Variants in ATP6V1D observed in about 807,000 individuals in gnomAD.
The protein encoded by ATP6V1D is V-type proton ATPase subunit D.
In ATP6V1D, 20 loss-of-function variants were observed where a neutral mutation model predicts 39.4. The observed-to-expected ratio is 0.51, with a 90% CI of 0.36 to 0.74. The LOEUF is 0.74. ATP6V1D is among the 30% of genes least tolerant of loss of function. The probability of loss-of-function intolerance (pLI) is 0.00; values close to 1 mark genes in which losing one functional copy is unlikely to be tolerated. For missense variants in ATP6V1D, 228 were observed against 291.6 expected (o/e 0.78, Z 1.59); for synonymous variants, 100 against 100.5 (o/e 0.99, Z 0.03).
At chr14:67,345,008 G>A (rs1365595532) in intron 6 of ATP6V1D, among the ~76,000 whole-genome samples, 2 of 152,144 alleles carry the variant, frequency 1.3e-5, no homozygotes, top group African/African-American at 4.8e-5. Flanking sequence ...TTGGAAGGAT[G>A]AGGCGGGCTG....
intron 6 of ATP6V1D, among the ~76,000 whole-genome samples, chr14:67,345,314 T>A (rs2085612488): frequency 2.0e-5 from 3 of 151,952 alleles, no homozygotes; most frequent in Admixed American, 2.0e-4. Flanking sequence ...CCTAGCACTT[T>A]GGGAGGCCGA....
At chr14:67,343,497 A>C in intron 6 of ATP6V1D, 59 bp from the exon 7 acceptor site, 2 of 1,143,600 alleles carry the variant, frequency 1.7e-6, no homozygotes, top group Non-Finnish European at 2.6e-6. Context: ...TTCCCTGATC[A>C]CTTGACTCCA....
intron 8 of ATP6V1D, among the ~76,000 whole-genome samples, chr14:67,339,313 G>A (rs1213881864): frequency 6.6e-6 from 1 of 151,968 alleles, no homozygotes; most frequent in African/African-American, 2.4e-5. Flanking sequence ...CCTTTATTAG[G>A]TTAAATTTTG....
chr14:67,359,641 C>G lies in ATP6V1D; in HGVS notation c.41+17G>C, dbSNP rs1206371765. ...TCCTAAACCTGTGAAAGCGGCTTAT[C>G]CCATTCCTTTACTTACATTCGCGAG... On this transcript the variant is annotated intron_variant, in intron 1 of 8. Transcript: ENST00000216442. 10 of 1,613,842 alleles carry G rather than the reference C, an allele frequency of 6.2e-6. No individual in the cohort carries two copies. The highest frequency in any genetic ancestry group is 2.2e-5 in the East Asian group (1 of 44,878).
At chr14:67,355,296 A>G (rs369178318) in intron 1 of ATP6V1D, among the ~76,000 whole-genome samples, 6 of 151,930 alleles carry the variant, frequency 3.9e-5, no homozygotes, top group African/African-American at 1.2e-4. Flanking sequence ...AAGTCTCCTC[A>G]CTTCCTTGTT....
chr14:67,349,802 C>T lies in ATP6V1D; in HGVS notation c.240-698G>A, dbSNP rs111271867. ...ACTATTGATTGATCTCCACCCTCTG[C>T]TAGAAAATTCAATGCAAGCTGTGAT... On this transcript the variant is annotated intron_variant, in intron 3 of 8. Coordinates refer to ENST00000216442, the MANE Select transcript of ATP6V1D (RefSeq NM_015994.4). 7.6e-3 allele frequency among the ~76,000 whole-genome samples: 1,164 copies of T among 152,318 alleles called. 13 individuals carry two copies. Among genetic ancestry groups the T allele is most frequent in the African/African-American group, 0.025 (1,048 of 41,570 alleles).
chr14:67,351,056 GGAATATTTAATGTTTGA>G (rs2085651386), intron 2 of ATP6V1D, among the ~76,000 whole-genome samples: 1 of 152,140 alleles, frequency 6.6e-6, no homozygotes, highest in Admixed American at 6.5e-5. Context: ...AAGTACATCT[GGAATATTTAATGTTTGA>G]GAATATTCAA....
chr14:67,346,458 C>T (rs1316228587), intron 5 of ATP6V1D, among the ~76,000 whole-genome samples: 2 of 152,272 alleles, frequency 1.3e-5, no homozygotes, highest in Middle Eastern at 3.4e-3. Flanking sequence ...ACCACAGGCG[C>T]ATGCCACCAG....
rs1322709447 is a variant in ATP6V1D at position 67,352,924 on chromosome 14, T to G, written c.158A>C (p.Glu53Ala). The part of the protein sequence containing the change: ...RFRQILKKII[E>A]TKMLMGEVMR... Reference sequence around the variant, plus strand: ...TATTCTAAGAAAAGTTCATTCTACCTCTATTATCTTCTTTAGGATCTGTCG... The same window carrying G: ...TATTCTAAGAAAAGTTCATTCTACCGCTATTATCTTCTTTAGGATCTGTCG... Residue 53 changes from glutamate to alanine, a missense_variant and splice_region_variant, in exon 2 of 9, where the codon GAG becomes GCG. Glu to Ala is a moderately radical substitution (Grantham distance 107). Around this residue, in one of 3 missense-constraint regions of ATP6V1D, gnomAD observed 104 missense variants for 120.2 expected, o/e 0.87. Coordinates refer to ENST00000216442, the MANE Select transcript of ATP6V1D (RefSeq NM_015994.4). 6.3e-7 allele frequency: 1 copy of G among 1,592,882 alleles called. No homozygotes were observed. Among genetic ancestry groups the G allele is most frequent in the South Asian group, 1.1e-5 (1 of 88,964 alleles).
Position 67,352,938 on chromosome 14 carries a change from T to C in ATP6V1D, c.144A>G (p.Leu48=), listed in dbSNP as rs752002149. 2 of 1,608,754 alleles carry C rather than the reference T, an allele frequency of 1.2e-6. No individual in the cohort carries two copies. Among genetic ancestry groups the C allele is most frequent in the Non-Finnish European group, 1.7e-6 (2 of 1,175,304 alleles). Reference sequence around the variant, plus strand: ...TTCATTCTACCTCTATTATCTTCTTTAGGATCTGTCGAAATCGAAGAGTTA... The same window carrying C: ...TTCATTCTACCTCTATTATCTTCTTCAGGATCTGTCGAAATCGAAGAGTTA... ...DALTLRFRQI[L]KKIIETKMLM... is the part of the protein sequence containing the mutation. Residue 48 remains leucine (L), a synonymous_variant, in exon 2 of 9, where the codon CTA becomes CTG. Transcript: ENST00000216442.
At chr14:67,348,024 CACCTCAGCCTCCT>C (rs1222590182) in intron 4 of ATP6V1D, among the ~76,000 whole-genome samples, 1 of 151,744 alleles carries the variant, frequency 6.6e-6, no homozygotes, top group Non-Finnish European at 1.5e-5. Flanking sequence ...GTGATTCTCC[CACCTCAGCCTCCT>C]GAGTAGCTGG....
chr14:67,349,239 T>G, intron 3 of ATP6V1D, 135 bp from the exon 4 acceptor site: 1 of 871,092 alleles, frequency 1.1e-6, no homozygotes, highest in South Asian at 1.8e-5. Context: ...AACTGTCCTT[T>G]TTCCAAAAAG....
intron 7 of ATP6V1D, among the ~76,000 whole-genome samples, chr14:67,341,785 T>G (rs911004267): frequency 6.6e-6 from 1 of 152,260 alleles, no homozygotes; most frequent in Non-Finnish European, 1.5e-5. Flanking sequence ...GGATGGTTGC[T>G]GTGTCTGTGT....
Position 67,348,921 on chromosome 14 carries a change from C to T in ATP6V1D, c.307+116G>A. ...GATTTTAACATGTAAAGCCAATCAA[C>T]TTGTTCTAAGTAGAAGGAAGAAACT... On this transcript the variant is annotated intron_variant, in intron 4 of 8. Transcript: ENST00000216442. The T allele has an allele frequency of 4.1e-6, 4 of 966,360 alleles. No individual in the cohort carries two copies. The South Asian group carries it at 6.5e-5, about 16-fold the overall frequency. 59.9% of individuals were successfully genotyped at this position (966,360 alleles called of 1,614,324 possible). A position where few individuals can be genotyped will look rare whatever the true frequency, so the allele number is the denominator to read the frequency against.
Position 67,340,464 on chromosome 14 carries a change from T to C in ATP6V1D, c.578A>G (p.Glu193Gly), listed in dbSNP as rs753288296. The C allele has an allele frequency of 2.5e-6, 4 of 1,613,922 alleles. No individual in the cohort carries two copies. The highest frequency in any genetic ancestry group is 3.4e-6 in the Non-Finnish European group (4 of 1,179,914). The change falls in exon 8 of 9, where the codon GAG becomes GGG. Residue 193 changes from glutamate (E) to glycine (G), a missense_variant. Physicochemically the swap from Glu to Gly is moderately conservative, Grantham distance 98. This residue lies in a region of ATP6V1D where 114 missense variants were observed against 128.3 expected (regional missense o/e 0.89). Transcript: ENST00000216442. ...TLAYIITELD[E>G]REREEFYRLK... ...CCTATAGAACTCTTCTCGCTCTCTCTCATCCAGCTCTGTGATGATATAAGC... is the reference window on the plus strand; with the variant it reads ...CCTATAGAACTCTTCTCGCTCTCTCCCATCCAGCTCTGTGATGATATAAGC...
chr14:67,348,747 C>T, intron 4 of ATP6V1D: 1 of 270,322 alleles, frequency 3.7e-6, no homozygotes, highest in Non-Finnish European at 7.1e-6. Flanking sequence ...GTCTCGAACT[C>T]CTGACCTTGT....
At chr14:67,352,726 A>G in intron 2 of ATP6V1D, 197 bp downstream of exon 2, 1 of 483,002 alleles carries the variant, frequency 2.1e-6, no homozygotes. Flanking sequence ...GATCAAGTGG[A>G]GCTTTGCAGG....
At chr14:67,343,462 T>C in intron 6 of ATP6V1D, 24 bp from the exon 7 acceptor site, 1 of 1,505,118 alleles carries the variant, frequency 6.6e-7, no homozygotes, top group Non-Finnish European at 9.2e-7. Flanking sequence ...AAATTAATAA[T>C]GTAAGCACAA....
intron 3 of ATP6V1D, among the ~76,000 whole-genome samples, chr14:67,350,158 A>G (rs2085646619): frequency 6.6e-6 from 1 of 152,236 alleles, no homozygotes; most frequent in Non-Finnish European, 1.5e-5. Context: ...CATGAAGTTC[A>G]TGCCTTTTAA....
Sources: gnomAD v4.1 joint callset for allele counts (sites outside exome capture counted in the v4.1 genomes callset) on GRCh38, gnomAD v4.1.1 for gene constraint, gnomAD v4.1.1 regional missense constraint, MANE v1.5 for transcripts, NCBI Gene and HGNC (gene_info 2026-07-23, HGNC 2026-07-21) for gene names.